The following GAD2 variants were observed in gnomAD, a reference collection of about 807,000 sequenced individuals.
GAD2 encodes glutamate decarboxylase 2.
In GAD2, 22 loss-of-function variants were observed where a neutral mutation model predicts 80.1. The ratio of observed to expected loss-of-function variants is 0.27; its 90% CI spans 0.20 to 0.39. The LOEUF (loss-of-function observed/expected upper bound fraction) is 0.39. Among genes scored for constraint, GAD2 ranks in the 10% least tolerant of loss-of-function variants. The pLI, the probability that GAD2 is intolerant of heterozygous loss-of-function variation, is 1.00. For missense variants in GAD2, 624 were observed against 738.4 expected, an observed-to-expected ratio of 0.85 and a Z score of 1.80; for synonymous variants, 274 against 256.9, an observed-to-expected ratio of 1.07 and a Z score of -0.64.
chr10:26,292,709 C>A, intron 14 of GAD2, 137 bp downstream of exon 14: 1 of 861,748 alleles, frequency 1.2e-6, no homozygotes, highest in East Asian at 2.4e-5. Context: ...GTAGCTATTC[C>A]AAGCTGGAAT....
At chr10:26,255,898 G>A (rs537213162) in intron 8 of GAD2, among the ~76,000 whole-genome samples, 1 of 152,026 alleles carries the variant, frequency 6.6e-6, no homozygotes, top group African/African-American at 2.4e-5. Context: ...GCAGGTGCAA[G>A]GAGGACTGGG....
At chr10:26,265,625 CAACT>C (rs1845063737) in intron 8 of GAD2, among the ~76,000 whole-genome samples, 2 of 152,188 alleles carry the variant, frequency 1.3e-5, no homozygotes, top group African/African-American at 2.4e-5. Context: ...TAAACACTAA[CAACT>C]AACTGAGAGC....
chr10:26,282,136 T>C (rs1308846803), intron 12 of GAD2, among the ~76,000 whole-genome samples: 1 of 60,710 alleles, frequency 1.6e-5, no homozygotes, highest in South Asian at 4.0e-4. Context: ...AGAGACAGGG[T>C]TTTCACATGT....
At chr10:26,222,160 G>A (rs141932581) in intron 4 of GAD2, among the ~76,000 whole-genome samples, 248 of 152,260 alleles carry the variant, frequency 1.6e-3, no homozygotes, top group African/African-American at 5.8e-3. Context: ...ATATAGGGAG[G>A]AAGGGAAACC....
At position 26,224,786 on chromosome 10, in the gene GAD2, C is replaced by T; in HGVS notation, c.724+135C>T. Reference sequence around the variant, plus strand: ...GACTGTGTGTTGATCAAAAGAATGACTGTGATTAAGTGCACATGACCATTG... The same window carrying T: ...GACTGTGTGTTGATCAAAAGAATGATTGTGATTAAGTGCACATGACCATTG... On this transcript the variant is annotated intron_variant, in intron 6 of 15. Coordinates refer to ENST00000376261, the MANE Select transcript of GAD2 (RefSeq NM_001134366.2). 4.7e-6 allele frequency: 3 copies of T among 642,306 alleles called. No individual in the cohort carries two copies. The South Asian group carries it at 5.9e-5, about 13-fold the overall frequency. The allele number at this position is 642,306 out of a possible 1,614,324, so 39.8% of individuals were successfully genotyped here.
intron 8 of GAD2, among the ~76,000 whole-genome samples, chr10:26,263,305 T>G (rs1312604538): frequency 6.6e-6 from 1 of 152,218 alleles, no homozygotes; most frequent in African/African-American, 2.4e-5. Flanking sequence ...AACTATGTAT[T>G]TGGATTCACT....
At chr10:26,256,865 G>A (rs562502042) in intron 8 of GAD2, among the ~76,000 whole-genome samples, 7 of 152,250 alleles carry the variant, frequency 4.6e-5, no homozygotes, top group East Asian at 1.9e-4. Flanking sequence ...TAAATACCCC[G>A]TTGCTTCTGA....
rs1055942127 is a variant in GAD2 at position 26,218,206 on chromosome 10, T to C, written c.286+215T>C. The C allele has an allele frequency of 7.2e-4, 330 of 461,296 alleles. 3 individuals carry two copies. Among genetic ancestry groups the C allele is most frequent in the Middle Eastern group, 2.9e-3 (5 of 1,744 alleles). 28.6% of individuals were successfully genotyped at this position (461,296 alleles called of 1,614,324 possible). On this transcript the variant is annotated intron_variant, in intron 3 of 15. Transcript: ENST00000376261. Reference sequence around the variant, plus strand: ...TGGCCTCGGAGCTCCAAGAGGGCTCTGAGGCCGTGGCGCTCTTCCCCCAGC... The same window carrying C: ...TGGCCTCGGAGCTCCAAGAGGGCTCCGAGGCCGTGGCGCTCTTCCCCCAGC...
intron 13 of GAD2, among the ~76,000 whole-genome samples, chr10:26,292,021 G>A (rs1029748206): frequency 2.0e-5 from 3 of 152,158 alleles, no homozygotes; most frequent in African/African-American, 7.2e-5. Flanking sequence ...AGGTACACTG[G>A]CAGACAAAGA....
rs762229020 is a variant in GAD2 at position 26,217,856 on chromosome 10, G to A, written c.151G>A (p.Asp51Asn). The change falls in exon 3 of 16, where the codon GAC becomes AAC. Residue 51 changes from aspartate (D) to asparagine (N), a missense_variant. Physicochemically the swap from Asp to Asn is conservative, Grantham distance 23 (BLOSUM62 1). Coordinates refer to ENST00000376261, the MANE Select transcript of GAD2 (RefSeq NM_001134366.2). The surrounding 1 kb of genome is among the most constrained non-coding windows in gnomAD (Gnocchi z 4.9). The part of the protein sequence containing the change: ...GNKLCALLYG[D>N]AEKPAESGGS... Reference sequence around the variant, plus strand: ...TCCTTACCCAGCCCTGCTCTACGGAGACGCCGAGAAGCCGGCGGAGAGCGG... The same window carrying A: ...TCCTTACCCAGCCCTGCTCTACGGAAACGCCGAGAAGCCGGCGGAGAGCGG... 4 of 1,606,230 alleles carry A rather than the reference G, an allele frequency of 2.5e-6. No individual in the cohort carries two copies. In the South Asian group the frequency reaches 3.3e-5, roughly 13 times the overall value.
intron 8 of GAD2, among the ~76,000 whole-genome samples, chr10:26,254,466 T>A (rs1028682358): frequency 6.6e-6 from 1 of 152,008 alleles, no homozygotes; most frequent in African/African-American, 2.4e-5. Context: ...GTGTGACCGG[T>A]TCCTAACAGG....
At chr10:26,240,107 G>C (rs1430877574) in intron 7 of GAD2, among the ~76,000 whole-genome samples, 1 of 152,172 alleles carries the variant, frequency 6.6e-6, no homozygotes, top group African/African-American at 2.4e-5. Flanking sequence ...TCTAATAGAG[G>C]AGGAGAAACC....
chr10:26,229,760 G>T lies in GAD2; in HGVS notation c.823G>T (p.Ala275Ser). The stretch of plus-strand genomic sequence containing the variant: ...AATGGCTGCTCTTCCCAGGCTCATT[G>T]CCTTCACGTCTGAACATGTATGTGT... The part of the protein sequence containing the change: ...KGMAALPRLI[A>S]FTSEHSHFSL... Residue 275 changes from alanine to serine, a missense_variant, in exon 7 of 16, where the codon GCC becomes TCC. Coordinates refer to ENST00000376261, the MANE Select transcript of GAD2 (RefSeq NM_001134366.2). The T allele has an allele frequency of 2.5e-6, 4 of 1,612,918 alleles. No homozygotes were observed. Among genetic ancestry groups the T allele is most frequent in the Non-Finnish European group, 3.4e-6 (4 of 1,178,958 alleles).
At chr10:26,251,761 G>T (rs11015017) in intron 8 of GAD2, among the ~76,000 whole-genome samples, 2 of 152,200 alleles carry the variant, frequency 1.3e-5, no homozygotes, top group Non-Finnish European at 2.9e-5. Flanking sequence ...CATTGTATGA[G>T]AGTATGTTGG....
chr10:26,273,497 G>A (rs1472059265), intron 10 of GAD2, 139 bp from the exon 11 acceptor site: 1 of 709,284 alleles, frequency 1.4e-6, no homozygotes, highest in South Asian at 1.6e-5. Context: ...TGTAAACTCT[G>A]AAGGTTAGTG....
intron 13 of GAD2, among the ~76,000 whole-genome samples, chr10:26,287,008 T>G (rs1845341655): frequency 6.6e-6 from 1 of 152,220 alleles, no homozygotes; most frequent in South Asian, 2.1e-4. Flanking sequence ...TTATGTAGAT[T>G]CTGAGTTTCC....
chr10:26,293,995 A>G (rs942012317), intron 15 of GAD2, among the ~76,000 whole-genome samples: 2 of 152,200 alleles, frequency 1.3e-5, no homozygotes, highest in Non-Finnish European at 2.9e-5. Flanking sequence ...CTGTGGTAAG[A>G]CACCATTAAT....
chr10:26,270,134 C>T (rs1385776707), intron 9 of GAD2, among the ~76,000 whole-genome samples: 2 of 152,106 alleles, frequency 1.3e-5, no homozygotes, highest in African/African-American at 2.4e-5. Context: ...AAAGTCATGG[C>T]GTATTATTTT....
intron 13 of GAD2, among the ~76,000 whole-genome samples, chr10:26,288,024 C>A (rs1343333459): frequency 6.6e-6 from 1 of 152,172 alleles, no homozygotes; most frequent in African/African-American, 2.4e-5. Flanking sequence ...CACGGCAATG[C>A]ATTCCTTATG....
Sources: gnomAD v4.1 joint callset for allele counts (sites outside exome capture counted in the v4.1 genomes callset) on GRCh38, gnomAD v4.1.1 for gene constraint, Gnocchi (gnomAD v3.1) non-coding constraint, MANE v1.5 for transcripts, NCBI Gene and HGNC (gene_info 2026-07-23, HGNC 2026-07-21) for gene names.